The following SLC35F1 variants were observed in gnomAD, a reference collection of about 807,000 sequenced individuals.
The protein encoded by SLC35F1 is chromosome 6 open reading frame 169.
In SLC35F1, 14 loss-of-function variants were observed where a neutral mutation model predicts 48.7. That is an observed-to-expected ratio of 0.29 (90% confidence interval 0.19 to 0.45). SLC35F1 has a LOEUF of 0.45. Among genes scored for constraint, SLC35F1 ranks in the 20% least tolerant of loss-of-function variants. The pLI is 1.00. For missense variants in SLC35F1, 404 were observed against 500.0 expected (o/e 0.81, Z 1.83); for synonymous variants, 190 against 202.2 (o/e 0.94, Z 0.51).
At chr6:118,199,387 T>C (rs1774843514) in intron 2 of SLC35F1, among the ~76,000 whole-genome samples, 1 of 152,220 alleles carries the variant, frequency 6.6e-6, no homozygotes, top group African/African-American at 2.4e-5. Context: ...ACCTGCCTTA[T>C]TCTATGTCAA....
chr6:117,998,145 C>G (rs1272889290), intron 1 of SLC35F1, among the ~76,000 whole-genome samples: 2 of 149,740 alleles, frequency 1.3e-5, no homozygotes, highest in East Asian at 1.9e-4. Context: ...ATAAAACAGA[C>G]TTTAAACCAA....
intron 1 of SLC35F1, among the ~76,000 whole-genome samples, chr6:118,105,544 A>T (rs1227649041): frequency 2.0e-5 from 3 of 152,190 alleles, no homozygotes; most frequent in Non-Finnish European, 4.4e-5. Context: ...TTTCTACTGC[A>T]TCATTCCCTC....
intron 1 of SLC35F1, among the ~76,000 whole-genome samples, chr6:118,054,946 T>G (rs1314682253): frequency 6.6e-6 from 1 of 152,042 alleles, no homozygotes; most frequent in Non-Finnish European, 1.5e-5. Context: ...CCAGCTAATT[T>G]TTGTGTTTTT....
intron 1 of SLC35F1, among the ~76,000 whole-genome samples, chr6:118,115,371 C>T (rs1003946226): frequency 2.6e-5 from 4 of 152,106 alleles, no homozygotes; most frequent in African/African-American, 9.7e-5. Flanking sequence ...ACAATACCAG[C>T]AAGGAGAAAG....
At chr6:118,137,306 C>A (rs566862619) in intron 1 of SLC35F1, among the ~76,000 whole-genome samples, 2 of 152,334 alleles carry the variant, frequency 1.3e-5, no homozygotes, top group African/African-American at 4.8e-5. Flanking sequence ...ATAATTTACT[C>A]ATGAATGACT....
chr6:118,240,722 A>T (rs929502325), intron 3 of SLC35F1, among the ~76,000 whole-genome samples: 2 of 152,214 alleles, frequency 1.3e-5, no homozygotes, highest in African/African-American at 4.8e-5. Context: ...TGAAGAACTG[A>T]TGGTGGAACT....
chr6:118,216,696 T>C (rs1775078195), intron 2 of SLC35F1, among the ~76,000 whole-genome samples: 1 of 152,206 alleles, frequency 6.6e-6, no homozygotes, highest in South Asian at 2.1e-4. Context: ...ATTGTCTTTA[T>C]TTGAAGACTT....
At chr6:117,992,748 G>C (rs2114858921) in intron 1 of SLC35F1, among the ~76,000 whole-genome samples, 1 of 152,174 alleles carries the variant, frequency 6.6e-6, no homozygotes, top group East Asian at 1.9e-4. Context: ...GTTTTTTAAA[G>C]CTAGAATAGT....
chr6:118,270,076 A>G (rs183618808), intron 4 of SLC35F1, among the ~76,000 whole-genome samples: 1 of 152,316 alleles, frequency 6.6e-6, no homozygotes, highest in Admixed American at 6.5e-5. Context: ...ACAATTTTGC[A>G]CAGGAAAAGA....
chr6:118,150,108 C>CTA (rs1774033579), intron 1 of SLC35F1, among the ~76,000 whole-genome samples: 1 of 152,182 alleles, frequency 6.6e-6, no homozygotes, highest in Admixed American at 6.5e-5. Flanking sequence ...CGTAACTTCT[C>CTA]TAAGCATCAG....
intron 1 of SLC35F1, among the ~76,000 whole-genome samples, chr6:118,069,302 G>A (rs1582648310): frequency 6.6e-6 from 1 of 151,988 alleles, no homozygotes; most frequent in African/African-American, 2.4e-5. Flanking sequence ...AGGACATATC[G>A]AATCTAAAGT....
intron 1 of SLC35F1, among the ~76,000 whole-genome samples, chr6:118,008,966 T>A (rs1777210015): frequency 6.6e-6 from 1 of 152,208 alleles, no homozygotes; most frequent in Admixed American, 6.5e-5. Flanking sequence ...TTATTGAACA[T>A]ATCACGTTGG....
At chr6:117,948,973 G>T (rs1214572510) in intron 1 of SLC35F1, among the ~76,000 whole-genome samples, 2 of 152,136 alleles carry the variant, frequency 1.3e-5, no homozygotes, top group South Asian at 2.1e-4. Context: ...AAGACATTTG[G>T]TGGATAAAAT....
chr6:118,169,198 C>T (rs1774363271), intron 2 of SLC35F1, among the ~76,000 whole-genome samples: 1 of 152,148 alleles, frequency 6.6e-6, no homozygotes, highest in Admixed American at 6.5e-5. Flanking sequence ...GGTAAATATT[C>T]CAACCAAATG....
intron 2 of SLC35F1, among the ~76,000 whole-genome samples, chr6:118,179,091 G>T (rs1451456132): frequency 6.6e-6 from 1 of 152,064 alleles, no homozygotes; most frequent in African/African-American, 2.4e-5. Flanking sequence ...CTGGAGCCAG[G>T]CTTATCTCAG....
intron 1 of SLC35F1, among the ~76,000 whole-genome samples, chr6:118,151,007 G>T (rs1290998316): frequency 6.6e-6 from 1 of 152,096 alleles, no homozygotes; most frequent in African/African-American, 2.4e-5. Flanking sequence ...TTAAAGGATG[G>T]CAGTGACTAC....
At chr6:118,066,908 C>T (rs867239061) in intron 1 of SLC35F1, among the ~76,000 whole-genome samples, 2 of 151,952 alleles carry the variant, frequency 1.3e-5, no homozygotes, top group African/African-American at 4.8e-5. Flanking sequence ...TCCTTCACCC[C>T]GCCCCACTGA....
intron 1 of SLC35F1, among the ~76,000 whole-genome samples, chr6:118,081,390 G>A (rs1582655346): frequency 6.6e-6 from 1 of 152,020 alleles, no homozygotes; most frequent in South Asian, 2.1e-4. Flanking sequence ...TAACACTGTG[G>A]GAGGCTGAGA....
Position 118,314,185 on chromosome 6 carries a change from A to G in SLC35F1, c.1160A>G (p.Glu387Gly). Residue 387 changes from glutamate to glycine, a missense_variant, in exon 8 of 8, where the codon GAA becomes GGA. Around this residue, in one of 2 missense-constraint regions of SLC35F1, gnomAD observed 306 missense variants for 419.1 expected, o/e 0.73. Coordinates refer to ENST00000360388, the MANE Select transcript of SLC35F1 (RefSeq NM_001029858.4). ...GACTTACCGACCACAGCTCAGGTGG[A>G]ACCCTCAGTCACCTACACCAGCCTG... ...VVDLPTTAQV[E>G]PSVTYTSLGQ... 1 of 1,614,120 alleles carries G rather than the reference A, an allele frequency of 6.2e-7. No homozygotes were observed.
Sources: gnomAD v4.1 joint callset for allele counts (sites outside exome capture counted in the v4.1 genomes callset) on GRCh38, gnomAD v4.1.1 for gene constraint, gnomAD v4.1.1 regional missense constraint, MANE v1.5 for transcripts, NCBI Gene and HGNC (gene_info 2026-07-23, HGNC 2026-07-21) for gene names.